The following XRN1 variants were observed in gnomAD, a reference collection of about 807,000 sequenced individuals.
XRN1 encodes 5'-3' exoribonuclease 1.
XRN1 carries 67 observed loss-of-function variants against 222.3 expected under a neutral mutation model. That is an observed-to-expected ratio of 0.30 (90% CI 0.25 to 0.37). XRN1 has a LOEUF of 0.37. Among genes scored for constraint, XRN1 ranks in the 10% least tolerant of loss-of-function variants. The probability of loss-of-function intolerance (pLI) is 1.00; values close to 1 mark genes in which losing one functional copy is unlikely to be tolerated. For synonymous variants in XRN1, 643 were observed against 652.4 expected (o/e 0.99, Z 0.22); for missense variants, 1,707 against 2,000.2 (o/e 0.85, Z 2.80).
chr3:142,442,648 C>T (rs1482155680), intron 1 of XRN1, among the ~76,000 whole-genome samples: 1 of 152,246 alleles, frequency 6.6e-6, no homozygotes, highest in Non-Finnish European at 1.5e-5. Flanking sequence ...CTTTTCAAAA[C>T]TATCAAGCAG....
chr3:142,438,404 A>G (rs2070023437), intron 1 of XRN1, among the ~76,000 whole-genome samples: 1 of 152,186 alleles, frequency 6.6e-6, no homozygotes, highest in Admixed American at 6.5e-5. Context: ...AAACAGGTGC[A>G]GGACTGCTAC....
chr3:142,344,556 T>C (rs1380985329), intron 33 of XRN1, among the ~76,000 whole-genome samples: 1 of 152,028 alleles, frequency 6.6e-6, no homozygotes, highest in Non-Finnish European at 1.5e-5. Flanking sequence ...AAATTAGGGC[T>C]AATAAACAGT....
Position 142,379,951 on chromosome 3 carries a change from C to T in XRN1, c.2715+131G>A, listed in dbSNP as rs180708919. On this transcript the variant is annotated intron_variant, in intron 23 of 40. Transcript: ENST00000392981. ...CACACTTATTTTTAAATACCAGATG[C>T]AACTGGGAGAGAGAATCTAATCATT... 95 of 686,114 alleles carry T rather than the reference C, an allele frequency of 1.4e-4. No individual in the cohort carries two copies. The African/African-American group carries it at 1.4e-3, about 10-fold the overall frequency. The allele number at this position is 686,114 out of a possible 1,614,324, so 42.5% of individuals were successfully genotyped here.
chr3:142,421,207 A>AT lies in XRN1; in HGVS notation c.1036-55dup, dbSNP rs1022569399. 5 of 1,437,456 alleles carry AT rather than the reference A, an allele frequency of 3.5e-6. No individual in the cohort carries two copies. In the African/African-American group the frequency reaches 7.2e-5, roughly 21 times the overall value. 89.0% of individuals were successfully genotyped at this position (1,437,456 alleles called of 1,614,324 possible). A position where few individuals can be genotyped will look rare whatever the true frequency, so the allele number is the denominator to read the frequency against. On this transcript the variant is annotated intron_variant, in intron 9 of 40. Coordinates refer to ENST00000392981, the MANE Select transcript of XRN1 (RefSeq NM_001282857.2). ...AAATAATTTAAGTATATCTAGAAGA[A>AT]TACAAATCAAACTTAAAACAGTGAC...
Position 142,432,869 on chromosome 3 carries a change from G to A in XRN1, c.100C>T (p.Leu34=). Reference sequence around the variant, plus strand: ...TGATGTATAATTCCATTCATATCCAGGTACAAGTTGTCAAATTCAGGAATC... The same window carrying A: ...TGATGTATAATTCCATTCATATCCAAGTACAAGTTGTCAAATTCAGGAATC... ...HQIPEFDNLY[L]DMNGIIHQCS... is the part of the protein sequence containing the mutation. The change falls in exon 2 of 41, where the codon CTG becomes TTG. Residue 34 remains leucine, a synonymous_variant. Transcript: ENST00000392981. 6.2e-7 allele frequency: 1 copy of A among 1,604,552 alleles called. No individual in the cohort carries two copies. The highest frequency in any genetic ancestry group is 8.5e-7 in the Non-Finnish European group (1 of 1,174,880).
intron 2 of XRN1, among the ~76,000 whole-genome samples, chr3:142,432,288 C>T (rs995733306): frequency 1.5e-5 from 2 of 130,622 alleles, no homozygotes; most frequent in Non-Finnish European, 1.5e-5. Context: ...GGTCCGGTGG[C>T]GCTTGGCTGT....
intron 18 of XRN1, 129 bp downstream of exon 18, chr3:142,403,545 G>T: frequency 1.4e-6 from 1 of 737,836 alleles, no homozygotes; most frequent in South Asian, 2.0e-5. Flanking sequence ...ATGTTTCTTT[G>T]CTTCATCCTT....
intron 29 of XRN1, among the ~76,000 whole-genome samples, chr3:142,361,963 C>CTTTTTTTTTT (rs71153961): frequency 1.1e-3 from 59 of 51,676 alleles, no homozygotes; most frequent in East Asian, 2.0e-3. Flanking sequence ...CTTTTTCTCT[C>CTTTTTTTTTT]TTTTTTTTTT....
At chr3:142,424,017 G>C (rs950067116) in intron 5 of XRN1, among the ~76,000 whole-genome samples, 2 of 151,812 alleles carry the variant, frequency 1.3e-5, no homozygotes, top group South Asian at 4.1e-4. Context: ...GGACTCTTTT[G>C]GAGACCAGGA....
At chr3:142,434,320 T>C (rs1041415070) in intron 1 of XRN1, among the ~76,000 whole-genome samples, 1 of 151,848 alleles carries the variant, frequency 6.6e-6, no homozygotes, top group Admixed American at 6.6e-5. Flanking sequence ...TAATTTCATA[T>C]CTTTTTCACA....
At chr3:142,323,462 G>GT (rs2065421420) in intron 37 of XRN1, among the ~76,000 whole-genome samples, 1 of 151,956 alleles carries the variant, frequency 6.6e-6, no homozygotes, top group East Asian at 1.9e-4. Flanking sequence ...GATTACAGAC[G>GT]TGAGATACCA....
In XRN1 at chr3:142,311,316, ATACT is replaced by A. The variant is rs1314158583; in HGVS notation, c.*191_*194del. The A allele has an allele frequency of 1.6e-5, 7 of 445,048 alleles. No individual in the cohort carries two copies. The highest frequency in any genetic ancestry group is 7.8e-5 in the Admixed American group (2 of 25,568). The allele number at this position is 445,048 out of a possible 1,614,324, so 27.6% of individuals were successfully genotyped here. On this transcript the variant is annotated 3_prime_UTR_variant, in exon 41 of 41. Coordinates refer to ENST00000392981, the MANE Select transcript of XRN1 (RefSeq NM_001282857.2). ...ATAATTGACATACAACAAACTGCAC[ATACT>A]TAAAGTGCACAATTTGATACACAGT...
At chr3:142,398,999 T>C (rs140962991) in intron 19 of XRN1, among the ~76,000 whole-genome samples, 2 of 151,956 alleles carry the variant, frequency 1.3e-5, no homozygotes, top group Non-Finnish European at 2.9e-5. Context: ...ACAAAACATG[T>C]ACCTGATCAG....
At chr3:142,441,474 C>T (rs1242245615) in intron 1 of XRN1, among the ~76,000 whole-genome samples, 1 of 152,236 alleles carries the variant, frequency 6.6e-6, no homozygotes. Flanking sequence ...AGTCCTTACA[C>T]AGGTCCGAGG....
intron 32 of XRN1, among the ~76,000 whole-genome samples, chr3:142,351,796 A>G (rs1288193550): frequency 4.0e-5 from 6 of 151,874 alleles, no homozygotes; most frequent in Admixed American, 3.9e-4. Flanking sequence ...CAGTATCTGC[A>G]ACTTTCTAGG....
chr3:142,405,830 C>A (rs1456475654), intron 15 of XRN1, among the ~76,000 whole-genome samples: 1 of 151,466 alleles, frequency 6.6e-6, no homozygotes, highest in Non-Finnish European at 1.5e-5. Flanking sequence ...ACAAGTATCA[C>A]AATAACAAAA....
intron 33 of XRN1, among the ~76,000 whole-genome samples, chr3:142,341,843 A>G (rs908092992): frequency 4.6e-5 from 7 of 152,240 alleles, no homozygotes; most frequent in African/African-American, 1.7e-4. Context: ...ATATAATGAT[A>G]AAGAGGTCAA....
chr3:142,375,035 T>C (rs1462343781), intron 25 of XRN1, among the ~76,000 whole-genome samples: 1 of 152,108 alleles, frequency 6.6e-6, no homozygotes, highest in African/African-American at 2.4e-5. Context: ...AAAGAACATA[T>C]AAGGCTATGA....
chr3:142,429,197 G>A (rs1195685041), intron 2 of XRN1, among the ~76,000 whole-genome samples: 1 of 148,324 alleles, frequency 6.7e-6, no homozygotes, highest in Non-Finnish European at 1.5e-5. Context: ...GCCCAGGCTG[G>A]AGTGCAGTGG....
Sources: allele counts gnomAD v4.1 joint callset (sites outside exome capture counted in the v4.1 genomes callset), GRCh38; gene constraint gnomAD v4.1.1; transcripts MANE v1.5; gene names NCBI Gene and HGNC (gene_info 2026-07-23, HGNC 2026-07-21).